Variants in TRPM3 observed in about 807,000 individuals in gnomAD.
TRPM3 encodes the protein transient receptor potential cation channel subfamily M member 3.
A neutral mutation model predicts 181.2 loss-of-function variants in TRPM3; 77 were observed. That is an observed-to-expected ratio of 0.42 (90% CI 0.35 to 0.51). The LOEUF is 0.51. Ranked by LOEUF, TRPM3 falls within the 20% of genes least tolerant of loss-of-function variation. The pLI is 0.01. For missense variants in TRPM3, 1,759 were observed against 2,196.7 expected (o/e 0.80, Z 3.98); for synonymous variants, 745 against 796.4 (o/e 0.94, Z 1.09).
intron 1 of TRPM3, among the ~76,000 whole-genome samples, chr9:70,943,884 A>G (rs1454496740): frequency 6.6e-6 from 1 of 152,098 alleles, no homozygotes; most frequent in East Asian, 1.9e-4. Context: ...GGTTCAAGCA[A>G]TTCTCTTGCC....
chr9:70,591,725 C>T (rs933738456), intron 21 of TRPM3, among the ~76,000 whole-genome samples: 4 of 151,590 alleles, frequency 2.6e-5, no homozygotes, highest in South Asian at 2.1e-4. Context: ...CAAAACAAAA[C>T]AACAACAACA....
chr9:71,157,041 CT>C lies in TRPM3; in HGVS notation c.183+289611del, dbSNP rs570582003. On this transcript the variant is annotated intron_variant, in intron 1 of 24. Transcript: ENST00000357533. Reference sequence around the variant, plus strand: ...CTTTATCAAAGATATAAATGCTCCACTTCTGCCTCCTTCCCACACACATGGA... The same window carrying C: ...CTTTATCAAAGATATAAATGCTCCACTCTGCCTCCTTCCCACACACATGGA... 2.9e-3 allele frequency among the ~76,000 whole-genome samples: 446 copies of C among 152,264 alleles called. 2 individuals carry two copies. Among genetic ancestry groups the C allele is most frequent in the Non-Finnish European group, 5.0e-3 (340 of 67,990 alleles).
intron 1 of TRPM3, among the ~76,000 whole-genome samples, chr9:71,063,933 A>G (rs2061609198): frequency 6.6e-6 from 1 of 152,106 alleles, no homozygotes; most frequent in South Asian, 2.1e-4. Context: ...AAAGGGCACC[A>G]TGGCATGCCT....
chr9:70,948,282 A>G (rs1025743828), intron 1 of TRPM3, among the ~76,000 whole-genome samples: 3 of 149,550 alleles, frequency 2.0e-5, no homozygotes, highest in African/African-American at 7.7e-5. Flanking sequence ...TCTCAAATAT[A>G]AATTATTATT....
chr9:71,243,524 C>T (rs1366483606), intron 1 of TRPM3, among the ~76,000 whole-genome samples: 8 of 152,236 alleles, frequency 5.3e-5, no homozygotes, highest in Non-Finnish European at 1.5e-5. Context: ...TAAGTCTTTA[C>T]TGTCTGTCTC....
intron 1 of TRPM3, among the ~76,000 whole-genome samples, chr9:70,901,494 A>C (rs12346993): frequency 0.041 from 6,224 of 152,238 alleles, 415 homozygotes; most frequent in African/African-American, 0.14. Flanking sequence ...TCATCAGCAT[A>C]ACAGACTTTG....
At chr9:70,792,882 A>T (rs2085865007) in intron 6 of TRPM3, among the ~76,000 whole-genome samples, 1 of 152,178 alleles carries the variant, frequency 6.6e-6, no homozygotes, top group Admixed American at 6.6e-5. Context: ...ACATAATAAG[A>T]GAGAAAAAAA....
chr9:70,609,031 A>G (rs975870993), intron 19 of TRPM3, among the ~76,000 whole-genome samples: 2 of 152,336 alleles, frequency 1.3e-5, no homozygotes, highest in South Asian at 4.1e-4. Context: ...TAGAAGAAAC[A>G]ATAGTCACAG....
At chr9:71,397,081 G>A (rs1006941801) in intron 1 of TRPM3, among the ~76,000 whole-genome samples, 3 of 151,754 alleles carry the variant, frequency 2.0e-5, no homozygotes, top group Non-Finnish European at 2.9e-5. Context: ...TAGAGAATTC[G>A]GCAACATTAA....
chr9:70,645,840 A>C (rs2058759241), intron 9 of TRPM3, among the ~76,000 whole-genome samples: 1 of 152,212 alleles, frequency 6.6e-6, no homozygotes, highest in Non-Finnish European at 1.5e-5. Context: ...CATCTGACAA[A>C]GGGCTAATAT....
intron 1 of TRPM3, among the ~76,000 whole-genome samples, chr9:70,918,100 C>T (rs534106779): frequency 6.6e-6 from 1 of 152,146 alleles, no homozygotes; most frequent in South Asian, 2.1e-4. Context: ...TATTTGCACC[C>T]AACACTGCAG....
At chr9:71,286,433 G>T (rs1278376722) in intron 1 of TRPM3, among the ~76,000 whole-genome samples, 2 of 152,128 alleles carry the variant, frequency 1.3e-5, no homozygotes, top group African/African-American at 4.8e-5. Context: ...TCTCAACCCA[G>T]AGAATCTAGC....
intron 1 of TRPM3, among the ~76,000 whole-genome samples, chr9:71,189,957 CA>C (rs1430312830): frequency 3.9e-5 from 6 of 151,900 alleles, no homozygotes; most frequent in African/African-American, 1.4e-4. Context: ...AATTTATCTG[CA>C]GCCTATAGCA....
At chr9:70,822,367 C>A (rs2093249395) in intron 6 of TRPM3, among the ~76,000 whole-genome samples, 1 of 152,166 alleles carries the variant, frequency 6.6e-6, no homozygotes, top group Non-Finnish European at 1.5e-5. Context: ...CCATGCATCA[C>A]TCTTGAAGTG....
intron 1 of TRPM3, among the ~76,000 whole-genome samples, chr9:70,987,817 G>A (rs571676624): frequency 6.6e-6 from 1 of 151,824 alleles, no homozygotes; most frequent in Non-Finnish European, 1.5e-5. Flanking sequence ...CTGTATTAAA[G>A]TATTCATATA....
chr9:70,622,027 G>T (rs140349595), intron 14 of TRPM3, among the ~76,000 whole-genome samples: 2 of 152,232 alleles, frequency 1.3e-5, no homozygotes, highest in East Asian at 1.9e-4. Context: ...AATTCCAAAG[G>T]TGATGGTATT....
chr9:71,416,646 A>G (rs973693345), intron 1 of TRPM3, among the ~76,000 whole-genome samples: 1 of 151,994 alleles, frequency 6.6e-6, no homozygotes, highest in Admixed American at 6.6e-5. Flanking sequence ...ACATTAACAT[A>G]TGACTTACAA....
At chr9:70,607,983 T>C (rs2061450689) in intron 19 of TRPM3, among the ~76,000 whole-genome samples, 1 of 152,258 alleles carries the variant, frequency 6.6e-6, no homozygotes, top group Admixed American at 6.5e-5. Context: ...TGAAGTTTTC[T>C]CTGTACATTG....
intron 1 of TRPM3, among the ~76,000 whole-genome samples, chr9:70,865,049 G>A (rs4527946): frequency 0.066 from 9,350 of 142,264 alleles, 384 homozygotes; most frequent in Middle Eastern, 0.14. Context: ...GGGGGGTTGG[G>A]GGGGGGGAGG....
Sources: allele counts gnomAD v4.1 joint callset (sites outside exome capture counted in the v4.1 genomes callset), GRCh38; gene constraint gnomAD v4.1.1; transcripts MANE v1.5; gene names NCBI Gene and HGNC (gene_info 2026-07-23, HGNC 2026-07-21).